The following ACO1 variants were observed in gnomAD, a reference collection of about 807,000 sequenced individuals.
ACO1 encodes the protein cytoplasmic aconitate hydratase.
In ACO1, 78 loss-of-function variants were observed where a neutral mutation model predicts 105.1. The observed-to-expected ratio is 0.74, with a 90% confidence interval of 0.62 to 0.90. The LOEUF is 0.90. Ranked by LOEUF, ACO1 falls within the 40% of genes least tolerant of loss-of-function variation. ACO1 has a pLI of 0.00. For missense variants in ACO1, 965 were observed against 1,111.1 expected (o/e 0.87, Z 1.87); for synonymous variants, 364 against 397.4 (o/e 0.92, Z 1.00).
intron 12 of ACO1, among the ~76,000 whole-genome samples, chr9:32,428,371 C>A (rs1038151837): frequency 1.3e-5 from 2 of 151,948 alleles, no homozygotes; most frequent in African/African-American, 4.8e-5. Context: ...TCTACCTCCA[C>A]ATCTGTCCCA....
At chr9:32,394,625 A>G (rs533508705) in intron 1 of ACO1, among the ~76,000 whole-genome samples, 5 of 152,272 alleles carry the variant, frequency 3.3e-5, no homozygotes, top group Non-Finnish European at 7.4e-5. Flanking sequence ...TGGGCTCTGG[A>G]GTCTGATGGA....
intron 1 of ACO1, among the ~76,000 whole-genome samples, chr9:32,387,015 A>G (rs1334228049): frequency 6.6e-6 from 1 of 152,150 alleles, no homozygotes; most frequent in Non-Finnish European, 1.5e-5. Context: ...AGTGTGCTTC[A>G]AAGGCATGTG....
chr9:32,431,599 ATTC>A (rs768020011), intron 14 of ACO1, 117 bp from the exon 15 acceptor site: 5 of 1,063,818 alleles, frequency 4.7e-6, no homozygotes, highest in Non-Finnish European at 6.8e-6. Flanking sequence ...GTATCCAGTC[ATTC>A]AGTGTTCACA....
At chr9:32,433,904 C>T in intron 16 of ACO1, 72 bp downstream of exon 16, 3 of 1,203,102 alleles carry the variant, frequency 2.5e-6, no homozygotes, top group Non-Finnish European at 3.5e-6. Flanking sequence ...TACTTTATTA[C>T]CCCATGCTCT....
In ACO1 at chr9:32,423,353, A is replaced by G; in HGVS notation, c.1005A>G (p.Lys335=). 6.3e-7 allele frequency: 1 copy of G among 1,597,168 alleles called. No homozygotes were observed. ...AAGAAAAATTAAAGTATATTAAAAA[A>G]TATCTTCAGGCTGTAGGAATGTTTC... The part of the protein sequence containing the change: ...RDEEKLKYIK[K]YLQAVGMFRD... Residue 335 remains lysine, a synonymous_variant, in exon 9 of 21, where the codon AAA becomes AAG. Transcript: ENST00000309951.
intron 9 of ACO1, 38 bp downstream of exon 9, chr9:32,423,457 T>A: frequency 7.2e-7 from 1 of 1,382,558 alleles, no homozygotes; most frequent in Admixed American, 2.0e-5. Context: ...TATTTCCTCT[T>A]CCTCAAGGCT....
chr9:32,417,720 C>A (rs1382779021), intron 4 of ACO1, among the ~76,000 whole-genome samples: 2 of 152,190 alleles, frequency 1.3e-5, no homozygotes, highest in African/African-American at 2.4e-5. Context: ...AAATACCAGC[C>A]CAGACACATT....
intron 1 of ACO1, among the ~76,000 whole-genome samples, chr9:32,404,776 T>G (rs1195574339): frequency 6.6e-6 from 1 of 152,208 alleles, no homozygotes; most frequent in African/African-American, 2.4e-5. Context: ...AAGTTTTAAG[T>G]GCCTCACCTG....
Position 32,450,231 on chromosome 9 carries a change from T to A in ACO1, c.*120T>A. The A allele has an allele frequency of 1.3e-6, 1 of 797,286 alleles. No individual in the cohort carries two copies. Among genetic ancestry groups the A allele is most frequent in the Non-Finnish European group, 2.3e-6 (1 of 441,852 alleles). The allele number at this position is 797,286 out of a possible 1,614,324, so 49.4% of individuals were successfully genotyped here. On this transcript the variant is annotated 3_prime_UTR_variant, in exon 21 of 21. Coordinates refer to ENST00000309951, the MANE Select transcript of ACO1 (RefSeq NM_002197.3). ...GGTGCTGCCTTGTAGATGGAGCAAGTGAGCACTGAGGGTCTGGTGCCAATC... is the reference window on the plus strand; with the variant it reads ...GGTGCTGCCTTGTAGATGGAGCAAGAGAGCACTGAGGGTCTGGTGCCAATC...
rs903588312 is a variant in ACO1 at position 32,453,620 on chromosome 9, C to G, written c.*3509C>G. On this transcript the variant is annotated 3_prime_UTR_variant, in exon 21 of 21. Transcript: ENST00000309951. Reference sequence around the variant, plus strand: ...GTAGAGATTTGTCTCCCAGTATTCCCTAGGGCAAAAATATTGGGAGTTCCT... The same window carrying G: ...GTAGAGATTTGTCTCCCAGTATTCCGTAGGGCAAAAATATTGGGAGTTCCT... 2 of 152,120 alleles carry G rather than the reference C, an allele frequency of 1.3e-5. No individual in the cohort carries two copies. The highest frequency in any genetic ancestry group is 4.8e-5 in the African/African-American group (2 of 41,440). 9.4% of individuals were successfully genotyped at this position (152,120 alleles called of 1,614,324 possible).
chr9:32,385,399 A>G (rs1821137686), intron 1 of ACO1, among the ~76,000 whole-genome samples: 1 of 152,180 alleles, frequency 6.6e-6, no homozygotes, highest in Non-Finnish European at 1.5e-5. Context: ...CTTTTCTGGT[A>G]CTCAGTACTC....
At chr9:32,428,176 C>T (rs549800443) in intron 12 of ACO1, among the ~76,000 whole-genome samples, 7 of 148,952 alleles carry the variant, frequency 4.7e-5, no homozygotes, top group African/African-American at 4.9e-5. Context: ...CCCAGCTTCT[C>T]GGGAGGCTGA....
At chr9:32,395,956 C>T (rs1821364546) in intron 1 of ACO1, among the ~76,000 whole-genome samples, 1 of 152,222 alleles carries the variant, frequency 6.6e-6, no homozygotes, top group Non-Finnish European at 1.5e-5. Flanking sequence ...GGCCAGTGAG[C>T]CCAGAACTAG....
intron 19 of ACO1, among the ~76,000 whole-genome samples, chr9:32,447,724 A>G (rs1481771613): frequency 6.6e-6 from 1 of 152,074 alleles, no homozygotes; most frequent in Non-Finnish European, 1.5e-5. Context: ...TTGGTCTTTG[A>G]CATTGGTGAC....
chr9:32,434,506 T>G, intron 16 of ACO1, 53 bp from the exon 17 acceptor site: 1 of 1,609,244 alleles, frequency 6.2e-7, no homozygotes, highest in Non-Finnish European at 8.5e-7. Context: ...ACTGATCTGG[T>G]AACTTGTTTG....
chr9:32,442,021 A>G (rs564437898), intron 19 of ACO1, among the ~76,000 whole-genome samples: 12 of 152,036 alleles, frequency 7.9e-5, no homozygotes, highest in African/African-American at 2.4e-4. Context: ...GAAAAGATCT[A>G]CCGCCCCAAA....
chr9:32,426,906 T>A (rs556383951), intron 11 of ACO1, among the ~76,000 whole-genome samples: 1 of 152,142 alleles, frequency 6.6e-6, no homozygotes, highest in South Asian at 2.1e-4. Context: ...ACAGCTGATA[T>A]AGTTTCAGAA....
chr9:32,434,423 A>T, intron 16 of ACO1, 136 bp from the exon 17 acceptor site: 1 of 993,708 alleles, frequency 1.0e-6, no homozygotes, highest in Non-Finnish European at 1.5e-6. Context: ...GATAAAAACT[A>T]GAACACTAGA....
intron 1 of ACO1, among the ~76,000 whole-genome samples, chr9:32,398,528 G>A (rs1201171958): frequency 1.3e-5 from 2 of 151,356 alleles, no homozygotes; most frequent in Non-Finnish European, 2.9e-5. Context: ...TTGCACCCAG[G>A]GTTCGGAATT....
Sources: allele counts gnomAD v4.1 joint callset (sites outside exome capture counted in the v4.1 genomes callset), GRCh38; gene constraint gnomAD v4.1.1; transcripts MANE v1.5; gene names NCBI Gene and HGNC (gene_info 2026-07-23, HGNC 2026-07-21).